Variants in CDH4 observed in about 807,000 individuals in gnomAD.
CDH4 encodes cadherin 4, also known as cadherin-4.
Under a neutral mutation model 86.0 loss-of-function variants are expected in CDH4, and 33 were observed. The observed-to-expected ratio is 0.38, with a 90% CI of 0.29 to 0.51. The LOEUF (loss-of-function observed/expected upper bound fraction) is 0.51. Among genes scored for constraint, CDH4 ranks in the 20% least tolerant of loss-of-function variants. The pLI, the probability that CDH4 is intolerant of heterozygous loss-of-function variation, is 0.86. For synonymous variants in CDH4, 555 were observed against 549.4 expected (o/e 1.01, Z -0.14); for missense variants, 1,114 against 1,307.4 (o/e 0.85, Z 2.28).
chr20:61,817,118 C>T (rs577846931), intron 4 of CDH4, among the ~76,000 whole-genome samples: 5 of 152,348 alleles, frequency 3.3e-5, no homozygotes, highest in Non-Finnish European at 7.4e-5. Context: ...ACCAGCCAAC[C>T]GCTGGTCCTC....
At chr20:61,719,535 T>G (rs2088007307) in intron 2 of CDH4, 1 of 209,286 alleles carries the variant, frequency 4.8e-6, no homozygotes. Context: ...CGGGAGTCTT[T>G]ATCTCGTTCC....
chr20:61,570,623 T>C, intron 2 of CDH4: 1 of 702,148 alleles, frequency 1.4e-6, no homozygotes, highest in Non-Finnish European at 2.6e-6. Flanking sequence ...TGTTTGGGAA[T>C]GGGACAGACA....
At chr20:61,321,789 A>G (rs2084509854) in intron 2 of CDH4, among the ~76,000 whole-genome samples, 2 of 152,294 alleles carry the variant, frequency 1.3e-5, no homozygotes, top group Middle Eastern at 3.4e-3. Flanking sequence ...AGTTTCCATG[A>G]TGTTAACAGG....
chr20:61,802,010 G>A (rs1420767845), intron 4 of CDH4, among the ~76,000 whole-genome samples: 2 of 152,240 alleles, frequency 1.3e-5, no homozygotes, highest in African/African-American at 4.8e-5. Context: ...GAATGCCATG[G>A]AGTTCCCAGA....
chr20:61,456,498 C>T (rs1027147329), intron 2 of CDH4, among the ~76,000 whole-genome samples: 1 of 152,308 alleles, frequency 6.6e-6, no homozygotes. Flanking sequence ...TGGGGATAAG[C>T]AGGGGTGCTG....
intron 2 of CDH4, among the ~76,000 whole-genome samples, chr20:61,262,548 A>G (rs2084133480): frequency 6.6e-6 from 1 of 152,180 alleles, no homozygotes; most frequent in South Asian, 2.1e-4. Context: ...TTTGTTTCAG[A>G]AATAATGATT....
intron 5 of CDH4, among the ~76,000 whole-genome samples, chr20:61,849,423 G>A (rs759218786): frequency 2.6e-5 from 4 of 152,200 alleles, no homozygotes; most frequent in Admixed American, 6.5e-5. Context: ...TGAGTTCACC[G>A]TGCTGTAGGT....
At chr20:61,839,387 ATGTG>A (rs1480850437) in intron 4 of CDH4, among the ~76,000 whole-genome samples, 2 of 150,492 alleles carry the variant, frequency 1.3e-5, no homozygotes, top group African/African-American at 4.9e-5. Context: ...TTGTGTGTGT[ATGTG>A]TATTTGTGTT....
At chr20:61,266,358 G>A (rs1341248420) in intron 2 of CDH4, among the ~76,000 whole-genome samples, 2 of 152,070 alleles carry the variant, frequency 1.3e-5, no homozygotes, top group East Asian at 3.9e-4. Context: ...AGAAGGCAGA[G>A]GAGAAAGGCT....
intron 5 of CDH4, among the ~76,000 whole-genome samples, 163 bp downstream of exon 5, chr20:61,844,986 G>T (rs997313238): frequency 1.3e-5 from 2 of 152,256 alleles, no homozygotes; most frequent in Admixed American, 1.3e-4. Flanking sequence ...GAAAGCCCAG[G>T]TCGCTGGGCA....
At chr20:61,358,165 A>G (rs1462090120) in intron 2 of CDH4, among the ~76,000 whole-genome samples, 2 of 152,154 alleles carry the variant, frequency 1.3e-5, no homozygotes, top group Admixed American at 6.5e-5. Flanking sequence ...AACCCCCGGG[A>G]CGTGCTTCCT....
chr20:61,416,322 G>A (rs930859073), intron 2 of CDH4, among the ~76,000 whole-genome samples: 36 of 152,160 alleles, frequency 2.4e-4, no homozygotes, highest in Non-Finnish European at 4.6e-4. Context: ...TTAAGGCTGC[G>A]TAACATTCCA....
At chr20:61,628,942 C>T (rs1453992935) in intron 2 of CDH4, among the ~76,000 whole-genome samples, 6 of 152,234 alleles carry the variant, frequency 3.9e-5, no homozygotes, top group African/African-American at 1.2e-4. Context: ...CATCCCTGGC[C>T]GTGCGCTGCA....
At chr20:61,859,522 T>C (rs1983222695) in intron 6 of CDH4, among the ~76,000 whole-genome samples, 1 of 152,230 alleles carries the variant, frequency 6.6e-6, no homozygotes, top group Non-Finnish European at 1.5e-5. Flanking sequence ...GTTGTTTAGG[T>C]TTGTAGTTTA....
rs1568898341 is a variant in CDH4, at chr20:61,933,909, G to T, written c.2380-147G>T. On this transcript the variant is annotated intron_variant, in intron 14 of 15. Coordinates refer to ENST00000614565, the MANE Select transcript of CDH4 (RefSeq NM_001794.5). ...GGCATTGTGGAGGGGCACAGCAGGGGACAGCATGGTTCTGTGGGATGCTTG... is the reference window on the plus strand; with the variant it reads ...GGCATTGTGGAGGGGCACAGCAGGGTACAGCATGGTTCTGTGGGATGCTTG... 3.5e-5 allele frequency: 30 copies of T among 863,648 alleles called. No individual in the cohort carries two copies. The South Asian group carries it at 4.2e-4, about 12-fold the overall frequency. 53.5% of individuals were successfully genotyped at this position (863,648 alleles called of 1,614,324 possible). A position where few individuals can be genotyped will look rare whatever the true frequency, so the allele number is the denominator to read the frequency against.
At chr20:61,288,138 T>A (rs1334321678) in intron 2 of CDH4, among the ~76,000 whole-genome samples, 1 of 152,120 alleles carries the variant, frequency 6.6e-6, no homozygotes, top group Non-Finnish European at 1.5e-5. Flanking sequence ...ATTTTGTTTT[T>A]ACCAAGTAGA....
intron 2 of CDH4, among the ~76,000 whole-genome samples, chr20:61,345,770 G>A (rs2084675969): frequency 1.3e-5 from 2 of 152,206 alleles, no homozygotes; most frequent in African/African-American, 2.4e-5. Flanking sequence ...TTCATCCTCG[G>A]GGAGGGCTCT....
intron 4 of CDH4, among the ~76,000 whole-genome samples, chr20:61,798,680 C>G (rs1979674814): frequency 6.6e-6 from 1 of 152,210 alleles, no homozygotes. Context: ...CTCTGAGTAA[C>G]TTTCTCACAA....
At chr20:61,559,772 G>T (rs528189316) in intron 2 of CDH4, among the ~76,000 whole-genome samples, 1 of 151,846 alleles carries the variant, frequency 6.6e-6, no homozygotes, top group African/African-American at 2.4e-5. Flanking sequence ...ACCCACCTCC[G>T]CCTCCCAAAG....
Sources: gnomAD v4.1 joint callset for allele counts (sites outside exome capture counted in the v4.1 genomes callset) on GRCh38, gnomAD v4.1.1 for gene constraint, MANE v1.5 for transcripts, NCBI Gene and HGNC (gene_info 2026-07-23, HGNC 2026-07-21) for gene names.